The following LDB2 variants were observed in gnomAD, a reference collection of about 807,000 sequenced individuals.
LDB2 encodes LIM domain-binding protein 2.
Under a neutral mutation model 44.3 loss-of-function variants are expected in LDB2, and 12 were observed. The observed-to-expected ratio is 0.27, with a 90% confidence interval of 0.17 to 0.44. The LOEUF is 0.44. Ranked by LOEUF, LDB2 falls within the 20% of genes least tolerant of loss-of-function variation. The pLI, the probability that LDB2 is intolerant of heterozygous loss-of-function variation, is 1.00. For synonymous variants in LDB2, 164 were observed against 174.8 expected (o/e 0.94, Z 0.49); for missense variants, 344 against 473.5 (o/e 0.73, Z 2.54).
At chr4:16,884,714 T>C (rs192012298) in intron 1 of LDB2, among the ~76,000 whole-genome samples, 1 of 152,326 alleles carries the variant, frequency 6.6e-6, no homozygotes, top group East Asian at 1.9e-4. Flanking sequence ...AGTAATATCA[T>C]GTGTAGTAGA....
intron 1 of LDB2, among the ~76,000 whole-genome samples, chr4:16,828,276 C>T (rs1377597641): frequency 2.0e-5 from 3 of 152,226 alleles, no homozygotes; most frequent in Non-Finnish European, 4.4e-5. Context: ...ATTCATGTAT[C>T]AATACATTCC....
intron 1 of LDB2, among the ~76,000 whole-genome samples, chr4:16,801,590 T>C (rs532530048): frequency 1.4e-3 from 212 of 152,324 alleles, no homozygotes; most frequent in Non-Finnish European, 1.8e-3. Context: ...ACTGATTCAC[T>C]ATCATCCAAT....
chr4:16,870,650 T>TATTG (rs71181197), intron 1 of LDB2, among the ~76,000 whole-genome samples: 1 of 152,048 alleles, frequency 6.6e-6, no homozygotes, highest in Non-Finnish European at 1.5e-5. Flanking sequence ...TTTATTTATT[T>TATTG]TAGATGGAGT....
chr4:16,812,631 A>ATG (rs5856389), intron 1 of LDB2, among the ~76,000 whole-genome samples: 11,513 of 125,576 alleles, frequency 0.092, 936 homozygotes, highest in African/African-American at 0.23. Flanking sequence ...TATTAAATAT[A>ATG]TGTGTGTGTG....
At chr4:16,749,961 A>G (rs1011967072) in intron 2 of LDB2, among the ~76,000 whole-genome samples, 3 of 152,054 alleles carry the variant, frequency 2.0e-5, no homozygotes, top group Non-Finnish European at 2.9e-5. Context: ...CTTCATCAAC[A>G]CCCGCTTCTC....
chr4:16,733,789 A>G (rs1225756697), intron 2 of LDB2, among the ~76,000 whole-genome samples: 1 of 152,182 alleles, frequency 6.6e-6, no homozygotes, highest in East Asian at 1.9e-4. Flanking sequence ...ACGACTGTAC[A>G]CAAACCACCC....
At position 16,711,990 on chromosome 4, in the gene LDB2, G is replaced by A. The variant is rs147615532; in HGVS notation, c.235+47168C>T. Among the ~76,000 whole-genome samples the A allele has an allele frequency of 1.8e-3, 271 of 152,108 alleles. 3 individuals carry two copies. Among genetic ancestry groups the A allele is most frequent in the Non-Finnish European group, 1.6e-3 (110 of 68,004 alleles). ...ATAGAACTTTTAGAAGATAACATAG[G>A]CCTTAGGTTATGCAAAGATTTCATA... On this transcript the variant is annotated intron_variant, in intron 2 of 7. Transcript: ENST00000304523.
intron 2 of LDB2, among the ~76,000 whole-genome samples, chr4:16,629,990 T>A (rs1731444549): frequency 6.6e-6 from 1 of 151,982 alleles, no homozygotes; most frequent in African/African-American, 2.4e-5. Flanking sequence ...ACAGGGAGAA[T>A]GGAACCAACT....
intron 5 of LDB2, among the ~76,000 whole-genome samples, chr4:16,556,484 A>G (rs1031898807): frequency 6.6e-6 from 1 of 152,216 alleles, no homozygotes; most frequent in Admixed American, 6.5e-5. Context: ...AAAGCTAATG[A>G]TATTCCTTGG....
chr4:16,863,888 C>T (rs1339773234), intron 1 of LDB2, among the ~76,000 whole-genome samples: 2 of 152,090 alleles, frequency 1.3e-5, no homozygotes, highest in Admixed American at 6.5e-5. Flanking sequence ...TCTCAATCTC[C>T]TAACCTCGTG....
chr4:16,706,580 G>T (rs1754664727), intron 2 of LDB2, among the ~76,000 whole-genome samples: 1 of 152,156 alleles, frequency 6.6e-6, no homozygotes, highest in African/African-American at 2.4e-5. Context: ...CATGATTCTG[G>T]GTGTTAAGTT....
intron 2 of LDB2, among the ~76,000 whole-genome samples, chr4:16,673,670 A>G (rs951390817): frequency 3.3e-5 from 5 of 152,144 alleles, no homozygotes; most frequent in African/African-American, 1.2e-4. Flanking sequence ...ACAATTGGCA[A>G]TGTCTAGAGA....
intron 5 of LDB2, among the ~76,000 whole-genome samples, chr4:16,536,782 A>T (rs1732019790): frequency 6.6e-6 from 1 of 152,240 alleles, no homozygotes. Context: ...AGGAAGGCCT[A>T]GAAGGATGAG....
At chr4:16,555,458 TACAC>T (rs756614753) in intron 5 of LDB2, among the ~76,000 whole-genome samples, 64 of 152,274 alleles carry the variant, frequency 4.2e-4, no homozygotes, top group South Asian at 2.7e-3. Context: ...TACATACACA[TACAC>T]ACACCAACAA....
At chr4:16,792,258 G>A (rs182844584) in intron 1 of LDB2, among the ~76,000 whole-genome samples, 140 of 152,282 alleles carry the variant, frequency 9.2e-4, no homozygotes, top group Non-Finnish European at 1.7e-3. Context: ...ACAACAGGGC[G>A]ACCCATGAAA....
intron 1 of LDB2, among the ~76,000 whole-genome samples, chr4:16,801,489 G>A (rs941944281): frequency 6.6e-6 from 1 of 152,094 alleles, no homozygotes; most frequent in African/African-American, 2.4e-5. Context: ...TAAGAAATAC[G>A]GGAAAGAGGG....
chr4:16,710,626 T>C (rs2152658711), intron 2 of LDB2, among the ~76,000 whole-genome samples: 1 of 152,274 alleles, frequency 6.6e-6, no homozygotes, highest in Non-Finnish European at 1.5e-5. Context: ...GCCACCCCTG[T>C]GTAGTCAACA....
chr4:16,724,533 T>G (rs919852737), intron 2 of LDB2, among the ~76,000 whole-genome samples: 1 of 152,028 alleles, frequency 6.6e-6, no homozygotes, highest in Non-Finnish European at 1.5e-5. Context: ...AAACTCAGGC[T>G]TCTCTCTAGC....
At chr4:16,792,625 G>A (rs1775992924) in intron 1 of LDB2, among the ~76,000 whole-genome samples, 1 of 152,104 alleles carries the variant, frequency 6.6e-6, no homozygotes, top group Admixed American at 6.6e-5. Flanking sequence ...ATGGTTATGG[G>A]GAGAGCAAAG....
Sources: allele counts gnomAD v4.1 joint callset (sites outside exome capture counted in the v4.1 genomes callset), GRCh38; gene constraint gnomAD v4.1.1; transcripts MANE v1.5; gene names NCBI Gene and HGNC (gene_info 2026-07-23, HGNC 2026-07-21).